EML6: variants seen among roughly 807,000 people sequenced by gnomAD.
The protein encoded by EML6 is echinoderm microtubule-associated protein-like 6.
A neutral mutation model predicts 240.1 loss-of-function variants in EML6; 154 were observed. The ratio of observed to expected loss-of-function variants is 0.64; its 90% confidence interval spans 0.56 to 0.73. The LOEUF (loss-of-function observed/expected upper bound fraction) is 0.73. Among genes scored for constraint, EML6 ranks in the 30% least tolerant of loss-of-function variants. EML6 has a pLI of 0.00. For missense variants in EML6, 2,964 were observed against 2,474.6 expected (o/e 1.20, Z -4.20); for synonymous variants, 1,148 against 899.0 (o/e 1.28, Z -4.95).
rs1381148068 is a variant in EML6, at chr2:54,906,430, A to T, written c.3409+2928A>T. On this transcript the variant is annotated intron_variant, in intron 24 of 41. Transcript: ENST00000356458. The stretch of plus-strand genomic sequence containing the variant: ...GAAGGTCTGTGTAAAGTCCCTCGAT[A>T]TGGAGCCATCACTTGGTGGAAAGAG... 3.3e-5 allele frequency among the ~76,000 whole-genome samples: 5 copies of T among 152,272 alleles called. No individual in the cohort carries two copies. In the East Asian group the frequency reaches 5.8e-4, roughly 18 times the overall value.
At chr2:54,903,255 G>C in intron 23 of EML6, 59 bp downstream of exon 23, 1 of 1,526,446 alleles carries the variant, frequency 6.6e-7, no homozygotes, top group Non-Finnish European at 8.9e-7. Flanking sequence ...AAAATTACAA[G>C]AATGAACTAT....
chr2:54,870,074 G>A (rs1364913128), intron 15 of EML6, among the ~76,000 whole-genome samples: 1 of 152,180 alleles, frequency 6.6e-6, no homozygotes, highest in African/African-American at 2.4e-5. Context: ...TATAATGAGT[G>A]TTTAATTGCA....
At chr2:54,935,401 T>A (rs1675084971) in intron 28 of EML6, among the ~76,000 whole-genome samples, 1 of 152,256 alleles carries the variant, frequency 6.6e-6, no homozygotes, top group Non-Finnish European at 1.5e-5. Flanking sequence ...GGTATTTTAC[T>A]GTTGAACAGT....
At chr2:54,902,998 C>T (rs1166029314) in intron 22 of EML6, 46 bp from the exon 23 acceptor site, 4 of 1,526,422 alleles carry the variant, frequency 2.6e-6, no homozygotes, top group African/African-American at 1.4e-5. Flanking sequence ...GTTTGCTTGA[C>T]AGTGAAGTTT....
chr2:54,882,161 T>C (rs1450845302), intron 17 of EML6: 1 of 152,208 alleles, frequency 6.6e-6, no homozygotes, highest in Non-Finnish European at 1.5e-5. Context: ...AGATTTTATT[T>C]TCAAGATCTC....
chr2:54,784,482 T>C (rs897185262), intron 2 of EML6, among the ~76,000 whole-genome samples: 1 of 152,190 alleles, frequency 6.6e-6, no homozygotes, highest in African/African-American at 2.4e-5. Flanking sequence ...TATAGCCTGC[T>C]TTGCCAATAT....
intron 2 of EML6, among the ~76,000 whole-genome samples, chr2:54,752,250 G>A (rs61254375): frequency 0.29 from 43,956 of 151,908 alleles, 7,902 homozygotes; most frequent in African/African-American, 0.52. Context: ...GACAAGAAAG[G>A]AAAAAATTAT....
At chr2:54,962,849 C>A (rs1322313061) in intron 36 of EML6, 138 bp downstream of exon 36, 2 of 573,466 alleles carry the variant, frequency 3.5e-6, no homozygotes, top group Non-Finnish European at 5.6e-6. Context: ...GAAAACCTAA[C>A]GATAAAAGAA....
chr2:54,954,412 C>T (rs1334814863), intron 32 of EML6, among the ~76,000 whole-genome samples: 1 of 152,140 alleles, frequency 6.6e-6, no homozygotes, highest in African/African-American at 2.4e-5. Context: ...AGGAGGTTCC[C>T]CGATGTTGGC....
chr2:54,845,686 C>A (rs1453527848), intron 8 of EML6, among the ~76,000 whole-genome samples: 1 of 152,138 alleles, frequency 6.6e-6, no homozygotes, highest in Non-Finnish European at 1.5e-5. Flanking sequence ...AGCATGAGAT[C>A]ATGCATGATG....
At chr2:54,891,199 C>T in intron 18 of EML6, 45 bp downstream of exon 18, 1 of 987,158 alleles carries the variant, frequency 1.0e-6, no homozygotes, top group Non-Finnish European at 1.5e-6. Flanking sequence ...AGAGCTTTAC[C>T]CTAGCTGGAA....
chr2:54,964,835 T>A, intron 38 of EML6, 102 bp downstream of exon 38: 2 of 1,073,472 alleles, frequency 1.9e-6, no homozygotes, highest in Non-Finnish European at 2.7e-6. Flanking sequence ...GGCAATGTGC[T>A]AACTCACTCT....
intron 34 of EML6, among the ~76,000 whole-genome samples, chr2:54,959,941 C>T (rs757159110): frequency 3.3e-5 from 5 of 152,138 alleles, no homozygotes; most frequent in Non-Finnish European, 7.4e-5. Flanking sequence ...GTGTTCTAAT[C>T]TAATAAAAAG....
At position 54,925,938 on chromosome 2, in the gene EML6, T is replaced by C. The variant is rs574797725; in HGVS notation, c.3676-2375T>C. The stretch of plus-strand genomic sequence containing the variant: ...AAGTCCTTAAGTTTCCTCCTCAGAA[T>C]GTGAAAAGCTCTGGAGGATGATTCT... On this transcript the variant is annotated intron_variant, in intron 26 of 41. Coordinates refer to ENST00000356458, the MANE Select transcript of EML6 (RefSeq NM_001039753.4). Among the ~76,000 whole-genome samples the C allele has an allele frequency of 3.3e-5, 5 of 152,300 alleles. No homozygotes were observed. The East Asian group carries it at 7.7e-4, about 23-fold the overall frequency.
rs1241618415 is a variant in EML6 at position 54,957,772 on chromosome 2, ACT to A, written c.4487-15_4487-14del. ...ATGAAGCAATGAGGAGCCTCACTGGACTCTGTCACCCACACAGGTGCCAAGGT... is the reference window on the plus strand; with the variant it reads ...ATGAAGCAATGAGGAGCCTCACTGGACTGTCACCCACACAGGTGCCAAGGT... On this transcript the variant is annotated splice_polypyrimidine_tract_variant and intron_variant, in intron 32 of 41. Coordinates refer to ENST00000356458, the MANE Select transcript of EML6 (RefSeq NM_001039753.4). 1.3e-6 allele frequency: 2 copies of A among 1,548,802 alleles called. No individual in the cohort carries two copies. The highest frequency in any genetic ancestry group is 2.7e-5 in the African/African-American group (2 of 72,866).
At chr2:54,844,534 C>T (rs1669645527) in intron 8 of EML6, among the ~76,000 whole-genome samples, 2 of 152,214 alleles carry the variant, frequency 1.3e-5, no homozygotes, top group Admixed American at 6.5e-5. Context: ...GCTAAGCACA[C>T]TCATCTATGA....
chr2:54,794,134 C>G (rs971026163), intron 2 of EML6, among the ~76,000 whole-genome samples: 4 of 152,146 alleles, frequency 2.6e-5, no homozygotes, highest in Non-Finnish European at 4.4e-5. Flanking sequence ...GTTATTATCC[C>G]CATTTCGGAC....
chr2:54,851,189 A>T (rs1573001667), intron 10 of EML6, among the ~76,000 whole-genome samples: 1 of 152,226 alleles, frequency 6.6e-6, no homozygotes, highest in South Asian at 2.1e-4. Flanking sequence ...CGGGTGGATC[A>T]CTTGAGGTCA....
chr2:54,763,691 C>A (rs994062235), intron 2 of EML6, among the ~76,000 whole-genome samples: 1 of 152,044 alleles, frequency 6.6e-6, no homozygotes, highest in Non-Finnish European at 1.5e-5. Context: ...CTACCAGGAG[C>A]CTAAAAGGGT....
Sources: allele counts gnomAD v4.1 joint callset (sites outside exome capture counted in the v4.1 genomes callset), GRCh38; gene constraint gnomAD v4.1.1; transcripts MANE v1.5; gene names NCBI Gene and HGNC (gene_info 2026-07-23, HGNC 2026-07-21).